PIK3C2B: variants seen among roughly 807,000 people sequenced by gnomAD.
PIK3C2B encodes the protein phosphatidylinositol-4-phosphate 3-kinase catalytic subunit type 2 beta, also known as phosphatidylinositol 4-phosphate 3-kinase C2 domain-containing subunit beta.
Under a neutral mutation model 184.3 loss-of-function variants are expected in PIK3C2B, and 83 were observed. The ratio of observed to expected loss-of-function variants is 0.45; its 90% CI spans 0.38 to 0.54. The LOEUF (loss-of-function observed/expected upper bound fraction) is 0.54, where lower values mean the gene tolerates loss of function less well. Among genes scored for constraint, PIK3C2B ranks in the 20% least tolerant of loss-of-function variants. The pLI is 0.00. For synonymous variants in PIK3C2B, 779 were observed against 837.6 expected, an observed-to-expected ratio of 0.93 and a Z score of 1.21; for missense variants, 1,736 against 2,113.5, an observed-to-expected ratio of 0.82 and a Z score of 3.50.
rs1653681154 is a variant in PIK3C2B, at chr1:204,444,517, G to A, written c.2679-93C>T. The A allele has an allele frequency of 1.3e-5, 11 of 864,362 alleles. No homozygotes were observed. The South Asian group carries it at 1.5e-4, about 12-fold the overall frequency. 53.5% of individuals were successfully genotyped at this position (864,362 alleles called of 1,614,324 possible). A position where few individuals can be genotyped will look rare whatever the true frequency, so the allele number is the denominator to read the frequency against. On this transcript the variant is annotated intron_variant, in intron 16 of 32. Transcript: ENST00000684373. Reference sequence around the variant, plus strand: ...CCTCACACCTGGGCTTCAGAGGCATGGAGAAAGAAAATGCAATGGCCCTAG... The same window carrying A: ...CCTCACACCTGGGCTTCAGAGGCATAGAGAAAGAAAATGCAATGGCCCTAG...
chr1:204,465,653 G>A (rs765654802), intron 2 of PIK3C2B, among the ~76,000 whole-genome samples: 10 of 151,722 alleles, frequency 6.6e-5, no homozygotes, highest in East Asian at 2.0e-4. Flanking sequence ...CGGGCTTTCC[G>A]GGGGATTCTC....
chr1:204,454,999 G>A (rs914390841), intron 11 of PIK3C2B, among the ~76,000 whole-genome samples: 6 of 152,224 alleles, frequency 3.9e-5, no homozygotes, highest in South Asian at 2.1e-4. Context: ...TCCTCTGCTC[G>A]GTTTTAGGCT....
Position 204,449,309 on chromosome 1 carries a change from G to A in PIK3C2B, c.2235-13C>T, listed in dbSNP as rs1013601121. On this transcript the variant is annotated splice_polypyrimidine_tract_variant and intron_variant, in intron 13 of 32. Transcript: ENST00000684373. ...ACAGGTCAGGACCCTAAGAAGGAGG[G>A]AGAGTGGGAAGAGCTGCTAAAGTGG... The A allele has an allele frequency of 6.3e-7, 1 of 1,591,456 alleles. No individual in the cohort carries two copies. Among genetic ancestry groups the A allele is most frequent in the Non-Finnish European group, 8.6e-7 (1 of 1,164,492 alleles).
At chr1:204,439,126 GGA>G (rs1342642069) in intron 22 of PIK3C2B, 55 bp from the exon 23 acceptor site, 1 of 1,580,912 alleles carries the variant, frequency 6.3e-7, no homozygotes, top group Non-Finnish European at 8.6e-7. Context: ...GGGACTGCAG[GGA>G]GAGGACTACA....
chr1:204,493,757 T>C (rs2102240217), intron 1 of PIK3C2B, among the ~76,000 whole-genome samples: 1 of 152,214 alleles, frequency 6.6e-6, no homozygotes, highest in East Asian at 1.9e-4. Context: ...GAGGGACAAG[T>C]ATAGGCCAGG....
At chr1:204,460,970 C>T (rs897745646) in intron 5 of PIK3C2B, among the ~76,000 whole-genome samples, 10 of 152,074 alleles carry the variant, frequency 6.6e-5, no homozygotes, top group South Asian at 2.1e-4. Context: ...TTGGAGAGAG[C>T]GGGGAAACAG....
At position 204,469,218 on chromosome 1, in the gene PIK3C2B, G is replaced by C. The variant is rs772428461; in HGVS notation, c.585C>G (p.Val195=). The C allele has an allele frequency of 2.5e-6, 4 of 1,606,122 alleles. No homozygotes were observed. Among genetic ancestry groups the C allele is most frequent in the South Asian group, 2.2e-5 (2 of 90,126 alleles). The change falls in exon 2 of 33, where the codon GTC becomes GTG. Residue 195 remains valine, a synonymous_variant. Transcript: ENST00000684373. ...QPSDINTFSL[V]EQLPGKLLEH... ...CTAGCAGTTTGCCCGGCAATTGTTC[G>C]ACCAAAGAGAAAGTGTTGATGTCAC... is the stretch of plus-strand genomic sequence containing the variant.
chr1:204,446,147 G>C lies in PIK3C2B; in HGVS notation c.2490-3C>G, dbSNP rs763602501. ...GCTTCTTGTCAGCATCAGTGAGCCT[G>C]GTGGGCACACGGAAAGGAGAAGGTG... On this transcript the variant is annotated splice_region_variant and splice_polypyrimidine_tract_variant and intron_variant, in intron 15 of 32. Transcript: ENST00000684373. 4 of 1,541,604 alleles carry C rather than the reference G, an allele frequency of 2.6e-6. No homozygotes were observed. The African/African-American group carries it at 5.5e-5, about 21-fold the overall frequency.
At chr1:204,451,627 T>G (rs1023244708) in intron 12 of PIK3C2B, among the ~76,000 whole-genome samples, 1 of 149,902 alleles carries the variant, frequency 6.7e-6, no homozygotes, top group African/African-American at 2.4e-5. Flanking sequence ...CTGGGCAACT[T>G]AATTCCCATC....
intron 14 of PIK3C2B, 118 bp downstream of exon 14, chr1:204,449,067 C>T: frequency 2.8e-6 from 2 of 716,342 alleles, no homozygotes; most frequent in Non-Finnish European, 4.9e-6. Context: ...CATCATCCTC[C>T]CATGCTTGAA....
At chr1:204,463,640 A>G (rs987569209) in intron 5 of PIK3C2B, among the ~76,000 whole-genome samples, 1 of 152,214 alleles carries the variant, frequency 6.6e-6, no homozygotes, top group Non-Finnish European at 1.5e-5. Flanking sequence ...TGCCCCAGCC[A>G]TAAAAACACC....
In PIK3C2B at chr1:204,449,838, G is replaced by C; in HGVS notation, c.2234+12C>G. 6.3e-7 allele frequency: 1 copy of C among 1,595,552 alleles called. No individual in the cohort carries two copies. Among genetic ancestry groups the C allele is most frequent in the Non-Finnish European group, 8.5e-7 (1 of 1,170,646 alleles). On this transcript the variant is annotated intron_variant, in intron 13 of 32. Transcript: ENST00000684373. ...TCCAAGGCCAAGAAGCTGTACCCTG[G>C]GGCTCACATACTGCCTGAAGTTGAA...
chr1:204,434,306 C>G (rs1572290038), intron 24 of PIK3C2B, 133 bp downstream of exon 24: 1 of 770,224 alleles, frequency 1.3e-6, no homozygotes, highest in East Asian at 2.7e-5. Flanking sequence ...CTTCTCTCCT[C>G]CAATGCTGCT....
chr1:204,473,703 C>T (rs1309742566), intron 1 of PIK3C2B, among the ~76,000 whole-genome samples: 1 of 152,222 alleles, frequency 6.6e-6, no homozygotes, highest in Non-Finnish European at 1.5e-5. Flanking sequence ...TCTTTTTCAA[C>T]TTCAAGCCTC....
At position 204,469,563 on chromosome 1, in the gene PIK3C2B, C is replaced by G. The variant is rs1276219501; in HGVS notation, c.240G>C (p.Leu80=). 1 of 1,594,178 alleles carries G rather than the reference C, an allele frequency of 6.3e-7. No individual in the cohort carries two copies. Among genetic ancestry groups the G allele is most frequent in the East Asian group, 2.2e-5 (1 of 44,756 alleles). ...KPAGRRTDLK[L]LRGLSGSDPT... ...GATCAGAGCCAGAGAGACCGCGTAA[C>G]AGCTTGAGGTCGGTCCGCCTTCCTG... Residue 80 remains leucine, a synonymous_variant, in exon 2 of 33, where the codon CTG becomes CTC. Transcript: ENST00000684373.
At chr1:204,438,466 C>A (rs1428835915) in intron 23 of PIK3C2B, among the ~76,000 whole-genome samples, 1 of 152,188 alleles carries the variant, frequency 6.6e-6, no homozygotes, top group Non-Finnish European at 1.5e-5. Context: ...AGCCTTGCCA[C>A]ATATCAGCTC....
chr1:204,428,147 T>C lies in PIK3C2B; in HGVS notation c.4472A>G (p.Lys1491Arg). Residue 1491 changes from lysine to arginine, a missense_variant, in exon 30 of 33, where the codon AAG becomes AGG. By Grantham distance (26) the Lys-to-Arg change is conservative (BLOSUM62 2). Around this residue, in one of 8 missense-constraint regions of PIK3C2B, gnomAD observed 200 missense variants for 199.1 expected, o/e 1.00. Transcript: ENST00000684373. Reference sequence around the variant, plus strand: ...CAGAGAAGATACTGTACCTGAGGACTTAGGAGCTGGGCTGGTGCCCATAGC... The same window carrying C: ...CAGAGAAGATACTGTACCTGAGGACCTAGGAGCTGGGCTGGTGCCCATAGC... Reference protein sequence around the residue: ...EKAMGTSPAPKSSDGTWARPV... With the variant: ...EKAMGTSPAPRSSDGTWARPV... The C allele has an allele frequency of 6.2e-7, 1 of 1,604,994 alleles. No homozygotes were observed. Among genetic ancestry groups the C allele is most frequent in the Non-Finnish European group, 8.5e-7 (1 of 1,171,892 alleles).
chr1:204,492,784 G>A (rs1658092349), intron 1 of PIK3C2B, among the ~76,000 whole-genome samples: 1 of 152,124 alleles, frequency 6.6e-6, no homozygotes, highest in Admixed American at 6.6e-5. Context: ...CAAGCAGCCG[G>A]GTCTGAGAGC....
At chr1:204,465,129 C>T (rs746962952) in intron 3 of PIK3C2B, 90 bp downstream of exon 3, 2 of 779,262 alleles carry the variant, frequency 2.6e-6, no homozygotes, top group Non-Finnish European at 4.6e-6. Context: ...TATGGTGCTT[C>T]TTCCCTCCTA....
Sources: gnomAD v4.1 joint callset for allele counts (sites outside exome capture counted in the v4.1 genomes callset) on GRCh38, gnomAD v4.1.1 for gene constraint, gnomAD v4.1.1 regional missense constraint, MANE v1.5 for transcripts, NCBI Gene and HGNC (gene_info 2026-07-23, HGNC 2026-07-21) for gene names.